The following LSAMP variants were observed in gnomAD, a reference collection of about 807,000 sequenced individuals.
The protein encoded by LSAMP is limbic system-associated membrane protein.
A neutral mutation model predicts 38.6 loss-of-function variants in LSAMP; 7 were observed. The observed-to-expected ratio is 0.18, with a 90% CI of 0.10 to 0.34. LSAMP has a LOEUF of 0.34. Ranked by LOEUF, LSAMP falls within the 10% of genes least tolerant of loss-of-function variation. The probability of loss-of-function intolerance (pLI) is 1.00; values close to 1 mark genes in which losing one functional copy is unlikely to be tolerated. For missense variants in LSAMP, 313 were observed against 420.0 expected, an observed-to-expected ratio of 0.75 and a Z score of 2.23; for synonymous variants, 154 against 166.8, an observed-to-expected ratio of 0.92 and a Z score of 0.59.
intron 1 of LSAMP, among the ~76,000 whole-genome samples, chr3:116,373,119 C>T (rs1356231745): frequency 2.0e-5 from 3 of 151,366 alleles, no homozygotes; most frequent in Admixed American, 6.6e-5. Flanking sequence ...TTTGTATACC[C>T]ACGTTAATAG....
chr3:116,282,779 G>A (rs751255812), intron 1 of LSAMP, among the ~76,000 whole-genome samples: 2 of 151,106 alleles, frequency 1.3e-5, no homozygotes, highest in Non-Finnish European at 2.9e-5. Flanking sequence ...AAAAAAATGA[G>A]AGGCTCATAA....
At chr3:116,062,073 A>G (rs1024853514) in intron 2 of LSAMP, among the ~76,000 whole-genome samples, 6 of 152,350 alleles carry the variant, frequency 3.9e-5, no homozygotes, top group African/African-American at 1.4e-4. Context: ...TTATATTTAA[A>G]AAACATGTTC....
chr3:115,812,398 C>T (rs1051872739), intron 6 of LSAMP, among the ~76,000 whole-genome samples: 4 of 152,020 alleles, frequency 2.6e-5, no homozygotes, highest in East Asian at 1.9e-4. Flanking sequence ...TGAAAGCACC[C>T]GATTAGTAAT....
intron 2 of LSAMP, among the ~76,000 whole-genome samples, chr3:116,064,502 CAA>C (rs1241685941): frequency 1.3e-4 from 12 of 90,362 alleles, no homozygotes; most frequent in Admixed American, 3.3e-4. Context: ...GACTCCGTCT[CAA>C]AAAAAAAAAA....
chr3:116,009,114 T>C (rs1275159417), intron 3 of LSAMP, among the ~76,000 whole-genome samples: 2 of 152,270 alleles, frequency 1.3e-5, no homozygotes, highest in East Asian at 3.9e-4. Flanking sequence ...AAATTGAAAA[T>C]ATAAAACATT....
chr3:115,887,226 G>A (rs1936477496), intron 3 of LSAMP, among the ~76,000 whole-genome samples: 1 of 151,712 alleles, frequency 6.6e-6, no homozygotes, highest in Non-Finnish European at 1.5e-5. Context: ...ATTCTATGGT[G>A]AGACTGATTA....
chr3:115,871,063 C>T (rs533085168), intron 3 of LSAMP, among the ~76,000 whole-genome samples: 2 of 152,122 alleles, frequency 1.3e-5, no homozygotes, highest in South Asian at 2.1e-4. Context: ...TTTCAAATTA[C>T]GGAACTAGAA....
rs79635183 is a variant in LSAMP, at chr3:115,919,407, G to A, written c.515-66790C>T. 7.9e-3 allele frequency among the ~76,000 whole-genome samples: 1,206 copies of A among 152,238 alleles called. 33 individuals carry two copies. The East Asian group carries it at 0.12, about 15-fold the overall frequency. On this transcript the variant is annotated intron_variant, in intron 3 of 6. Coordinates refer to ENST00000490035, the MANE Select transcript of LSAMP (RefSeq NM_002338.5). ...ACCAGCTGAGAAAGAGGGTATAAGT[G>A]CCTTACATCAGGCCCAGGCTTCTGC...
At chr3:116,339,526 G>A (rs1326196172) in intron 1 of LSAMP, among the ~76,000 whole-genome samples, 1 of 151,020 alleles carries the variant, frequency 6.6e-6, no homozygotes, top group East Asian at 2.0e-4. Flanking sequence ...TCTTAAAATT[G>A]ACACTTTCCC....
At chr3:116,311,875 T>A (rs905831366) in intron 1 of LSAMP, among the ~76,000 whole-genome samples, 19 of 152,210 alleles carry the variant, frequency 1.2e-4, no homozygotes, top group Admixed American at 1.2e-3. Context: ...CCTTTTGATT[T>A]AACTAAGAAA....
At chr3:116,180,087 T>G (rs752348120) in intron 1 of LSAMP, among the ~76,000 whole-genome samples, 1 of 152,192 alleles carries the variant, frequency 6.6e-6, no homozygotes, top group Non-Finnish European at 1.5e-5. Flanking sequence ...ACAAATGTTT[T>G]TGAGATTATA....
At chr3:116,195,557 C>T (rs546229578) in intron 1 of LSAMP, among the ~76,000 whole-genome samples, 1 of 152,116 alleles carries the variant, frequency 6.6e-6, no homozygotes. Context: ...TGTACCACAA[C>T]TAATATTGTC....
Position 116,113,424 on chromosome 3 carries a change from T to A in LSAMP, c.156-26868A>T, listed in dbSNP as rs866939514. Among the ~76,000 whole-genome samples, 347 of 100,842 alleles carry A rather than the reference T, an allele frequency of 3.4e-3. 1 individual carries two copies. Among genetic ancestry groups the A allele is most frequent in the African/African-American group, 0.015 (316 of 21,068 alleles). The allele number at this position is 100,842 out of a possible 152,430, so 66.2% of individuals were successfully genotyped here. Reference sequence around the variant, plus strand: ...CCTATATATATATATATATATATTTTTTTTTTTTTTTTTTTTTTTGAGATG... The same window carrying A: ...CCTATATATATATATATATATATTTATTTTTTTTTTTTTTTTTTTGAGATG... On this transcript the variant is annotated intron_variant, in intron 1 of 6. Transcript: ENST00000490035.
At chr3:115,834,420 T>C in intron 6 of LSAMP, 1 of 625,002 alleles carries the variant, frequency 1.6e-6, no homozygotes, top group Non-Finnish European at 2.6e-6. Flanking sequence ...ATTGGCTTTT[T>C]AAAAAAGGTT....
At chr3:116,295,712 A>G (rs758922978) in intron 1 of LSAMP, among the ~76,000 whole-genome samples, 1 of 152,210 alleles carries the variant, frequency 6.6e-6, no homozygotes, top group Non-Finnish European at 1.5e-5. Context: ...TCTTAATTGA[A>G]TTAGAATTTA....
chr3:116,183,988 G>A (rs749979305), intron 1 of LSAMP, among the ~76,000 whole-genome samples: 3 of 151,578 alleles, frequency 2.0e-5, no homozygotes, highest in Non-Finnish European at 4.4e-5. Context: ...TAAGCAATAA[G>A]GCTTTTGAAC....
chr3:116,355,404 G>A (rs1292028873), intron 1 of LSAMP, among the ~76,000 whole-genome samples: 1 of 152,158 alleles, frequency 6.6e-6, no homozygotes, highest in African/African-American at 2.4e-5. Flanking sequence ...AATGAGACTT[G>A]ACACCTGTCT....
At chr3:116,243,058 G>T (rs528190836) in intron 1 of LSAMP, among the ~76,000 whole-genome samples, 4 of 152,314 alleles carry the variant, frequency 2.6e-5, no homozygotes, top group Admixed American at 2.0e-4. Flanking sequence ...AGGCAACAAA[G>T]TGATTAGTCA....
intron 1 of LSAMP, among the ~76,000 whole-genome samples, chr3:116,372,978 C>T (rs2048448901): frequency 6.6e-6 from 1 of 151,216 alleles, no homozygotes; most frequent in Non-Finnish European, 1.5e-5. Context: ...AATACCAACA[C>T]CTGTACCATT....
Sources: gnomAD v4.1 joint callset for allele counts (sites outside exome capture counted in the v4.1 genomes callset) on GRCh38, gnomAD v4.1.1 for gene constraint, MANE v1.5 for transcripts, NCBI Gene and HGNC (gene_info 2026-07-23, HGNC 2026-07-21) for gene names.